Variants in PRR16 observed in about 807,000 individuals in gnomAD.
The protein encoded by PRR16 is proline rich 16.
In PRR16, 6 loss-of-function variants were observed where a neutral mutation model predicts 18.2. The observed-to-expected ratio is 0.33, with a 90% CI of 0.18 to 0.65. The LOEUF (loss-of-function observed/expected upper bound fraction) is 0.65, where lower values mean the gene tolerates loss of function less well. PRR16 is among the 30% of genes least tolerant of loss of function. The pLI is 0.74. For synonymous variants in PRR16, 151 were observed against 147.8 expected, an observed-to-expected ratio of 1.02 and a Z score of -0.16; for missense variants, 412 against 376.6, an observed-to-expected ratio of 1.09 and a Z score of -0.78.
chr5:120,694,665 A>T, the PRR16 span, among the ~76,000 whole-genome samples: 2 of 147,722 alleles, frequency 1.4e-5, no homozygotes, highest in Non-Finnish European at 1.5e-5. Flanking sequence ...AGCCTGGGCG[A>T]CAGCGAGACT....
the PRR16 span, among the ~76,000 whole-genome samples, chr5:120,694,087 T>C: frequency 3.8e-4 from 58 of 152,354 alleles, no homozygotes; most frequent in Middle Eastern, 6.8e-3. Context: ...AATTACTTAA[T>C]GAATGTGAAA....
At chr5:120,566,650 T>G (rs984693636) in intron 1 of PRR16, among the ~76,000 whole-genome samples, 1 of 152,230 alleles carries the variant, frequency 6.6e-6, no homozygotes, top group African/African-American at 2.4e-5. Flanking sequence ...GAAACACTTC[T>G]TGTTTTAAAA....
At chr5:120,787,576 C>G in the PRR16 span, among the ~76,000 whole-genome samples, 1 of 151,992 alleles carries the variant, frequency 6.6e-6, no homozygotes, top group Non-Finnish European at 1.5e-5. Flanking sequence ...GAACAAGAAA[C>G]GCCTATAATA....
intron 1 of PRR16, among the ~76,000 whole-genome samples, chr5:120,634,254 C>A (rs1277080316): frequency 6.6e-6 from 1 of 152,122 alleles, no homozygotes. Context: ...CAACCTATCA[C>A]TACTTCAAAC....
At chr5:120,752,822 T>C in the PRR16 span, among the ~76,000 whole-genome samples, 3 of 151,912 alleles carry the variant, frequency 2.0e-5, no homozygotes, top group Non-Finnish European at 4.4e-5. Context: ...AAGCAGTAGA[T>C]GGAAAATGAA....
At chr5:120,524,616 T>C (rs1751292917) in intron 1 of PRR16, among the ~76,000 whole-genome samples, 1 of 152,092 alleles carries the variant, frequency 6.6e-6, no homozygotes, top group Non-Finnish European at 1.5e-5. Context: ...TAGTATTTGA[T>C]AACACAACAG....
intron 1 of PRR16, among the ~76,000 whole-genome samples, chr5:120,599,398 C>A (rs562650528): frequency 1.3e-5 from 2 of 151,802 alleles, no homozygotes; most frequent in South Asian, 4.1e-4. Flanking sequence ...AATATTAATT[C>A]TTTCAATTAA....
At chr5:120,657,701 G>C (rs1243008792) in intron 1 of PRR16, among the ~76,000 whole-genome samples, 1 of 151,872 alleles carries the variant, frequency 6.6e-6, no homozygotes, top group Non-Finnish European at 1.5e-5. Flanking sequence ...CTTTAATTAT[G>C]TATGCTCTTT....
intron 1 of PRR16, among the ~76,000 whole-genome samples, chr5:120,472,875 A>G (rs958218096): frequency 2.0e-5 from 3 of 152,148 alleles, no homozygotes; most frequent in Non-Finnish European, 2.9e-5. Context: ...GTCGTTTCTT[A>G]TGATGTTTGC....
intron 1 of PRR16, among the ~76,000 whole-genome samples, chr5:120,524,056 A>G (rs1304995995): frequency 6.6e-6 from 1 of 152,136 alleles, no homozygotes; most frequent in Non-Finnish European, 1.5e-5. Flanking sequence ...TATAACATTC[A>G]TTGTTAGAGT....
chr5:120,770,174 C>T, the PRR16 span, among the ~76,000 whole-genome samples: 7 of 152,016 alleles, frequency 4.6e-5, no homozygotes, highest in African/African-American at 1.7e-4. Flanking sequence ...TTGGAGTCAT[C>T]CCACTTCCGG....
intron 1 of PRR16, among the ~76,000 whole-genome samples, chr5:120,532,870 A>G (rs952537925): frequency 1.3e-5 from 2 of 152,184 alleles, no homozygotes; most frequent in African/African-American, 4.8e-5. Context: ...TAACTTTTGT[A>G]AATGTCATTA....
chr5:120,656,515 G>C (rs1755983404), intron 1 of PRR16, among the ~76,000 whole-genome samples: 1 of 150,068 alleles, frequency 6.7e-6, no homozygotes, highest in Admixed American at 6.7e-5. Flanking sequence ...CAGACACTCT[G>C]GAATAAGGGA....
intron 1 of PRR16, among the ~76,000 whole-genome samples, chr5:120,666,655 GT>G (rs1209108429): frequency 6.6e-6 from 1 of 151,688 alleles, no homozygotes; most frequent in Non-Finnish European, 1.5e-5. Context: ...TTTATTGAGA[GT>G]TTTTAGCATG....
chr5:120,530,433 C>T (rs946688362), intron 1 of PRR16, among the ~76,000 whole-genome samples: 2 of 151,242 alleles, frequency 1.3e-5, no homozygotes, highest in Non-Finnish European at 2.9e-5. Flanking sequence ...TCTGATTTCT[C>T]CTCTCTTTTT....
intron 1 of PRR16, among the ~76,000 whole-genome samples, chr5:120,466,602 C>A (rs995681384): frequency 1.3e-5 from 2 of 152,086 alleles, no homozygotes; most frequent in Non-Finnish European, 2.9e-5. Flanking sequence ...AAATCTTCAA[C>A]CTCCCTGTGG....
the PRR16 span, among the ~76,000 whole-genome samples, chr5:120,780,957 G>C: frequency 6.6e-6 from 1 of 152,166 alleles, no homozygotes; most frequent in African/African-American, 2.4e-5. Context: ...GGCTGAGGCA[G>C]GAGAATTCCT....
chr5:120,669,463 C>G (rs564100548), intron 1 of PRR16, among the ~76,000 whole-genome samples: 4 of 151,918 alleles, frequency 2.6e-5, no homozygotes, highest in Non-Finnish European at 5.9e-5. Context: ...TAACATTAGC[C>G]TTCTGGAAAA....
At chr5:120,703,679 A>T in the PRR16 span, among the ~76,000 whole-genome samples, 1 of 152,064 alleles carries the variant, frequency 6.6e-6, no homozygotes, top group African/African-American at 2.4e-5. Flanking sequence ...GTTCCTTGCA[A>T]TGTTTGAAGA....
Sources: allele counts gnomAD v4.1 joint callset (sites outside exome capture counted in the v4.1 genomes callset), GRCh38; gene constraint gnomAD v4.1.1; transcripts MANE v1.5; gene names NCBI Gene and HGNC (gene_info 2026-07-23, HGNC 2026-07-21).